The following TYW1B variants were observed in gnomAD, a reference collection of about 807,000 sequenced individuals.
TYW1B encodes tRNA-yW synthesizing protein 1 homolog B, also known as S-adenosyl-L-methionine-dependent tRNA 4-demethylwyosine synthase TYW1B.
Under a neutral mutation model 86.9 loss-of-function variants are expected in TYW1B, and 73 were observed. That is an observed-to-expected ratio of 0.84 (90% CI 0.70 to 1.02). The LOEUF is 1.02. Ranked by LOEUF, TYW1B falls within the 50% of genes least tolerant of loss-of-function variation. The pLI is 0.00. For synonymous variants in TYW1B, 248 were observed against 292.8 expected (o/e 0.85, Z 1.56); for missense variants, 637 against 827.4 (o/e 0.77, Z 2.82).
chr7:72,601,246 A>G (rs1811658582), intron 13 of TYW1B, among the ~76,000 whole-genome samples: 1 of 152,146 alleles, frequency 6.6e-6, no homozygotes. Flanking sequence ...GCAAATAAGC[A>G]TATGAAAAGA....
At chr7:72,766,160 C>T (rs1469730000) in intron 7 of TYW1B, among the ~76,000 whole-genome samples, 9 of 152,220 alleles carry the variant, frequency 5.9e-5, no homozygotes, top group Non-Finnish European at 1.0e-4. Flanking sequence ...AACCCATATA[C>T]ACAAAACAAA....
At chr7:72,650,483 C>T (rs1214740962) in intron 11 of TYW1B, among the ~76,000 whole-genome samples, 1 of 152,008 alleles carries the variant, frequency 6.6e-6, no homozygotes, top group Non-Finnish European at 1.5e-5. Flanking sequence ...ATTAGGATGC[C>T]AAAAATTAAG....
intron 7 of TYW1B, among the ~76,000 whole-genome samples, chr7:72,749,086 T>C (rs1787443685): frequency 2.0e-5 from 3 of 152,222 alleles, no homozygotes; most frequent in African/African-American, 7.2e-5. Flanking sequence ...AGGCTTTTAA[T>C]TACAAAATCA....
At chr7:72,730,601 G>A (rs1280198972) in intron 8 of TYW1B, among the ~76,000 whole-genome samples, 2 of 148,716 alleles carry the variant, frequency 1.3e-5, no homozygotes, top group Non-Finnish European at 1.5e-5. Flanking sequence ...AGAAGGAGGA[G>A]GAAGAGGAGA....
intron 3 of TYW1B, among the ~76,000 whole-genome samples, chr7:72,813,668 G>A (rs1274860608): frequency 1.3e-5 from 2 of 151,728 alleles, no homozygotes; most frequent in African/African-American, 2.4e-5. Flanking sequence ...GGCATGACTG[G>A]AGAAAAAAGG....
At position 72,636,306 on chromosome 7, in the gene TYW1B, T is replaced by C. The variant is rs1404548395; in HGVS notation, c.1507-7309A>G. ...TTTGTAAGCTGACTGTGTATCTATA[T>C]AGCAGTCTTGTAAAATACATTTATT... is the stretch of plus-strand genomic sequence containing the variant. On this transcript the variant is annotated intron_variant, in intron 11 of 13. Transcript: ENST00000620995. 2.0e-5 allele frequency among the ~76,000 whole-genome samples: 3 copies of C among 152,216 alleles called. 1 individual carries two copies. Among genetic ancestry groups the C allele is most frequent in the South Asian group, 4.1e-4 (2 of 4,836 alleles).
intron 8 of TYW1B, among the ~76,000 whole-genome samples, chr7:72,733,648 G>A (rs532675075): frequency 2.7e-4 from 41 of 152,262 alleles, no homozygotes; most frequent in Admixed American, 2.2e-3. Context: ...GGGACAGAGC[G>A]AGACTCCGTC....
chr7:72,626,803 T>G (rs1263846842), intron 12 of TYW1B, among the ~76,000 whole-genome samples: 4 of 151,978 alleles, frequency 2.6e-5, no homozygotes, highest in African/African-American at 9.7e-5. Flanking sequence ...CCACTCACTT[T>G]GTGACTGTTG....
At chr7:72,724,789 T>C (rs34948318) in intron 9 of TYW1B, among the ~76,000 whole-genome samples, 2,042 of 152,296 alleles carry the variant, frequency 0.013, 59 homozygotes, top group African/African-American at 0.047. Flanking sequence ...AAAATAGATA[T>C]TGTATAAATA....
chr7:72,630,774 T>C (rs1332953046), intron 11 of TYW1B, among the ~76,000 whole-genome samples: 1 of 151,882 alleles, frequency 6.6e-6, no homozygotes, highest in Non-Finnish European at 1.5e-5. Flanking sequence ...CAGATTCCCT[T>C]TATATACTTA....
chr7:72,610,642 T>A lies in TYW1B; in HGVS notation c.1785+6030A>T, dbSNP rs538025494. On this transcript the variant is annotated intron_variant, in intron 13 of 13. Coordinates refer to ENST00000620995, the MANE Select transcript of TYW1B (RefSeq NM_001145440.3). ...TATAACAGGTTTGTTGTTGTTGTTG[T>A]TGTTGTTGTTTTAGAAATGGAGGAG... Among the ~76,000 whole-genome samples the A allele has an allele frequency of 3.9e-5, 6 of 152,284 alleles. No individual in the cohort carries two copies. The East Asian group carries it at 1.2e-3, about 29-fold the overall frequency.
At chr7:72,612,235 G>A (rs1446202754) in intron 13 of TYW1B, among the ~76,000 whole-genome samples, 1 of 152,130 alleles carries the variant, frequency 6.6e-6, no homozygotes, top group Non-Finnish European at 1.5e-5. Flanking sequence ...GGAACAGGGA[G>A]TCTAGAAGAG....
At chr7:72,768,464 T>C (rs1787810616) in intron 7 of TYW1B, among the ~76,000 whole-genome samples, 1 of 151,974 alleles carries the variant, frequency 6.6e-6, no homozygotes, top group Non-Finnish European at 1.5e-5. Context: ...GAATTTGTCA[T>C]TTTCACCTAA....
At chr7:72,612,404 C>G (rs1811954988) in intron 13 of TYW1B, among the ~76,000 whole-genome samples, 1 of 152,114 alleles carries the variant, frequency 6.6e-6, no homozygotes, top group East Asian at 1.9e-4. Flanking sequence ...GGTACACTTA[C>G]AAAAATCACT....
At chr7:72,823,713 C>T (rs1788875212) in intron 2 of TYW1B, among the ~76,000 whole-genome samples, 1 of 151,860 alleles carries the variant, frequency 6.6e-6, no homozygotes, top group Non-Finnish European at 1.5e-5. Flanking sequence ...TGGCTATCTA[C>T]CCCAAAATCA....
chr7:72,785,981 C>G (rs1380477115), intron 6 of TYW1B, among the ~76,000 whole-genome samples: 1 of 152,120 alleles, frequency 6.6e-6, no homozygotes, highest in Non-Finnish European at 1.5e-5. Flanking sequence ...GGCGTGGTGG[C>G]GGGCGCTATA....
At chr7:72,772,573 A>G (rs1787886881) in intron 7 of TYW1B, among the ~76,000 whole-genome samples, 1 of 152,094 alleles carries the variant, frequency 6.6e-6, no homozygotes, top group Non-Finnish European at 1.5e-5. Flanking sequence ...CAAATTTTTG[A>G]GCTACATAGG....
rs1788981004 is a variant in TYW1B at position 72,828,196 on chromosome 7, A to C, written c.-121T>G. The C allele has an allele frequency of 1.3e-6, 2 of 1,547,610 alleles. No homozygotes were observed. Among genetic ancestry groups the C allele is most frequent in the African/African-American group, 1.4e-5 (1 of 73,534 alleles). ...TAGCGCCGTACCGAGTGGCTGCAGA[A>C]CTGTGGGCAGCTACGACGCTGCCAG... On this transcript the variant is annotated 5_prime_UTR_variant, in exon 1 of 14. Coordinates refer to ENST00000620995, the MANE Select transcript of TYW1B (RefSeq NM_001145440.3).
intron 12 of TYW1B, among the ~76,000 whole-genome samples, chr7:72,623,242 G>C (rs1228723151): frequency 6.6e-6 from 1 of 152,074 alleles, no homozygotes; most frequent in Non-Finnish European, 1.5e-5. Context: ...ATAACAAAAA[G>C]ATAAGCAACT....
Sources: gnomAD v4.1 joint callset for allele counts (sites outside exome capture counted in the v4.1 genomes callset) on GRCh38, gnomAD v4.1.1 for gene constraint, MANE v1.5 for transcripts, NCBI Gene and HGNC (gene_info 2026-07-23, HGNC 2026-07-21) for gene names.